The following MAN1A2 variants were observed in gnomAD, a reference collection of about 807,000 sequenced individuals.
MAN1A2 encodes the protein mannosidase alpha class 1A member 2, also known as mannosyl-oligosaccharide 1,2-alpha-mannosidase IB.
A neutral mutation model predicts 75.7 loss-of-function variants in MAN1A2; 26 were observed. The ratio of observed to expected loss-of-function variants is 0.34; its 90% CI spans 0.25 to 0.48. The LOEUF is 0.48. Among genes scored for constraint, MAN1A2 ranks in the 20% least tolerant of loss-of-function variants. The pLI is 0.99. For missense variants in MAN1A2, 562 were observed against 775.5 expected (o/e 0.72, Z 3.27); for synonymous variants, 247 against 264.6 (o/e 0.93, Z 0.65).
At chr1:117,470,334 ATG>A (rs1452293456) in intron 8 of MAN1A2, among the ~76,000 whole-genome samples, 2 of 152,060 alleles carry the variant, frequency 1.3e-5, no homozygotes, top group Non-Finnish European at 2.9e-5. Context: ...GGAGAAGAAA[ATG>A]GAGAGTTATT....
intron 8 of MAN1A2, among the ~76,000 whole-genome samples, chr1:117,487,085 G>A (rs1557970814): frequency 6.6e-6 from 1 of 151,870 alleles, no homozygotes; most frequent in African/African-American, 2.4e-5. Flanking sequence ...AGAAGCTCTG[G>A]GGGAAAATTA....
chr1:117,430,418 CAGCTGCCG>C (rs1648592618), intron 5 of MAN1A2, among the ~76,000 whole-genome samples: 1 of 20,950 alleles, frequency 4.8e-5, no homozygotes, highest in Non-Finnish European at 9.3e-5. Flanking sequence ...TCAGACGGGG[CAGCTGCCG>C]GGCGGAGGGG....
rs1570799522 is a variant in MAN1A2, at chr1:117,506,172, A to G, written c.1793+3202A>G. ...ATTTCTCAAATATCAGTTAATTTAA[A>G]TAGGCTTTGTCAGAAGCTGTCAGTT... On this transcript the variant is annotated intron_variant, in intron 12 of 12. Transcript: ENST00000356554. Among the ~76,000 whole-genome samples the G allele has an allele frequency of 3.3e-5, 5 of 151,636 alleles. No individual in the cohort carries two copies. In the South Asian group the frequency reaches 8.3e-4, roughly 25 times the overall value.
rs371120125 is a variant in MAN1A2, at chr1:117,375,915, G to T, written c.302+7430G>T. 8.5e-4 allele frequency among the ~76,000 whole-genome samples: 120 copies of T among 140,962 alleles called. 1 individual carries two copies. The highest frequency in any genetic ancestry group is 2.7e-3 in the African/African-American group (104 of 38,094). 92.5% of individuals were successfully genotyped at this position (140,962 alleles called of 152,430 possible). A position where few individuals can be genotyped will look rare whatever the true frequency, so the allele number is the denominator to read the frequency against. Reference sequence around the variant, plus strand: ...GATGTATTTAAGATAATTAATTTATGTTTTTTTTTTTTTTGAGACGGAGTC... The same window carrying T: ...GATGTATTTAAGATAATTAATTTATTTTTTTTTTTTTTTTGAGACGGAGTC... On this transcript the variant is annotated intron_variant, in intron 1 of 12. Coordinates refer to ENST00000356554, the MANE Select transcript of MAN1A2 (RefSeq NM_006699.5).
chr1:117,429,561 G>A (rs1291944420), intron 5 of MAN1A2, among the ~76,000 whole-genome samples: 2 of 114,174 alleles, frequency 1.8e-5, no homozygotes, highest in Admixed American at 7.7e-5. Context: ...CCCGGACGGG[G>A]CGGCTGGCCG....
At chr1:117,434,747 C>CTGTGTG (rs61681259) in intron 5 of MAN1A2, among the ~76,000 whole-genome samples, 73 of 135,422 alleles carry the variant, frequency 5.4e-4, no homozygotes, top group Non-Finnish European at 7.6e-4. Flanking sequence ...TTGGTTACAG[C>CTGTGTG]TGTGTGTGTG....
rs1040791963 is a variant in MAN1A2, at chr1:117,528,558, T to C, written c.*5601T>C. On this transcript the variant is annotated 3_prime_UTR_variant, in exon 13 of 13. Coordinates refer to ENST00000356554, the MANE Select transcript of MAN1A2 (RefSeq NM_006699.5). ...GTAAGATGTATACCAGAAAACATAA[T>C]AAAGATAAGCTCAGTTCTTCATTGG... is the stretch of plus-strand genomic sequence containing the variant. 2 of 152,092 alleles carry C rather than the reference T, an allele frequency of 1.3e-5. No individual in the cohort carries two copies. The highest frequency in any genetic ancestry group is 1.3e-4 in the Admixed American group (2 of 15,254). 9.4% of individuals were successfully genotyped at this position (152,092 alleles called of 1,614,324 possible). A position where few individuals can be genotyped will look rare whatever the true frequency, so the allele number is the denominator to read the frequency against.
In MAN1A2 at chr1:117,430,193, C is replaced by G. The variant is rs2101796058; in HGVS notation, c.855+9544C>G. On this transcript the variant is annotated intron_variant, in intron 5 of 12. Transcript: ENST00000356554. ...GCCCCTCACCTCCCGGACGGGGCGG[C>G]TGGCCGGGCGGGGGGCTGACCCCCC... Among the ~76,000 whole-genome samples, 3 of 93,598 alleles carry G rather than the reference C, an allele frequency of 3.2e-5. No homozygotes were observed. The South Asian group carries it at 1.2e-3, about 39-fold the overall frequency. 61.4% of individuals were successfully genotyped at this position (93,598 alleles called of 152,430 possible).
intron 3 of MAN1A2, among the ~76,000 whole-genome samples, chr1:117,406,943 A>G (rs1647635968): frequency 6.6e-6 from 1 of 152,118 alleles, no homozygotes; most frequent in South Asian, 2.1e-4. Flanking sequence ...CTTTTTTCAA[A>G]CGATATTTCT....
intron 6 of MAN1A2, among the ~76,000 whole-genome samples, chr1:117,447,434 G>C (rs1649272281): frequency 6.6e-6 from 1 of 151,718 alleles, no homozygotes; most frequent in Non-Finnish European, 1.5e-5. Flanking sequence ...TGTTGGGAAT[G>C]GTGTGTGTGT....
At chr1:117,484,904 A>G (rs1460107739) in intron 8 of MAN1A2, among the ~76,000 whole-genome samples, 1 of 151,958 alleles carries the variant, frequency 6.6e-6, no homozygotes, top group Non-Finnish European at 1.5e-5. Context: ...TTTCTAGGCC[A>G]TGTGGCTTGT....
intron 5 of MAN1A2, among the ~76,000 whole-genome samples, chr1:117,437,945 A>G (rs925968519): frequency 2.0e-5 from 3 of 152,226 alleles, no homozygotes; most frequent in Non-Finnish European, 2.9e-5. Context: ...AGCATCTGCT[A>G]TATGCTAGGC....
chr1:117,384,186 C>G (rs980787652), intron 1 of MAN1A2, among the ~76,000 whole-genome samples: 1 of 151,986 alleles, frequency 6.6e-6, no homozygotes, highest in Non-Finnish European at 1.5e-5. Flanking sequence ...TGGTTTGCAC[C>G]TCTTTTTCTA....
intron 12 of MAN1A2, among the ~76,000 whole-genome samples, chr1:117,508,397 C>G (rs1396395760): frequency 6.6e-6 from 1 of 151,558 alleles, no homozygotes; most frequent in Non-Finnish European, 1.5e-5. Flanking sequence ...TGTCTACTTT[C>G]ACTGGTATCA....
chr1:117,503,099 G>A, intron 12 of MAN1A2, 129 bp downstream of exon 12: 1 of 523,794 alleles, frequency 1.9e-6, no homozygotes, highest in Non-Finnish European at 3.3e-6. Context: ...ATGTAATTGG[G>A]TGTGTAAATT....
In MAN1A2 at chr1:117,368,556, C is replaced by G; in HGVS notation, c.302+71C>G. 4 of 1,228,304 alleles carry G rather than the reference C, an allele frequency of 3.3e-6. No homozygotes were observed. The South Asian group carries it at 6.6e-5, about 20-fold the overall frequency. The allele number at this position is 1,228,304 out of a possible 1,614,324, so 76.1% of individuals were successfully genotyped here. ...GGTACGGTGATTGGATCGAATCTGT[C>G]TTTTTTTTTTCTTGCAGTAAAATGT... On this transcript the variant is annotated intron_variant, in intron 1 of 12. Coordinates refer to ENST00000356554, the MANE Select transcript of MAN1A2 (RefSeq NM_006699.5).
rs1006313041 is a variant in MAN1A2 at position 117,394,239 on chromosome 1, G to A, written c.303-7947G>A. Among the ~76,000 whole-genome samples the A allele has an allele frequency of 3.9e-5, 6 of 152,164 alleles. No individual in the cohort carries two copies. The East Asian group carries it at 1.2e-3, about 30-fold the overall frequency. On this transcript the variant is annotated intron_variant, in intron 1 of 12. Coordinates refer to ENST00000356554, the MANE Select transcript of MAN1A2 (RefSeq NM_006699.5). The stretch of plus-strand genomic sequence containing the variant: ...TGGGACTACAGGCACCCGCCACCAT[G>A]CCTGGCTAATTTTTTTGTATTTTCA...
At chr1:117,424,211 T>A (rs1648292906) in intron 5 of MAN1A2, among the ~76,000 whole-genome samples, 1 of 152,214 alleles carries the variant, frequency 6.6e-6, no homozygotes, top group South Asian at 2.1e-4. Context: ...CTCCTTCTCC[T>A]GAGGCAGAGA....
At chr1:117,443,530 T>A (rs892360565) in intron 6 of MAN1A2, among the ~76,000 whole-genome samples, 2 of 152,186 alleles carry the variant, frequency 1.3e-5, no homozygotes, top group East Asian at 3.8e-4. Context: ...TAAAACTTAA[T>A]TCCGATAGGA....
Sources: gnomAD v4.1 joint callset for allele counts (sites outside exome capture counted in the v4.1 genomes callset) on GRCh38, gnomAD v4.1.1 for gene constraint, MANE v1.5 for transcripts, NCBI Gene and HGNC (gene_info 2026-07-23, HGNC 2026-07-21) for gene names.